SULF1: variants seen among roughly 807,000 people sequenced by gnomAD.
SULF1 encodes the protein sulfatase 1.
SULF1 carries 46 observed loss-of-function variants against 110.5 expected under a neutral mutation model. The observed-to-expected ratio is 0.42, with a 90% confidence interval of 0.33 to 0.53. The LOEUF (loss-of-function observed/expected upper bound fraction) is 0.53. SULF1 is among the 20% of genes least tolerant of loss of function. The pLI, the probability that SULF1 is intolerant of heterozygous loss-of-function variation, is 0.12. For missense variants in SULF1, 941 were observed against 1,094.2 expected (o/e 0.86, Z 1.98); for synonymous variants, 371 against 387.1 (o/e 0.96, Z 0.49).
chr8:69,509,912 G>T (rs1392900630), intron 3 of SULF1, among the ~76,000 whole-genome samples: 3 of 152,192 alleles, frequency 2.0e-5, no homozygotes. Flanking sequence ...AGGTTAAACA[G>T]CTTTCTGGTT....
chr8:69,470,985 A>G (rs1415622920), intron 1 of SULF1, among the ~76,000 whole-genome samples: 1 of 152,150 alleles, frequency 6.6e-6, no homozygotes, highest in Non-Finnish European at 1.5e-5. Flanking sequence ...GTCTACATTC[A>G]TAAGCCTGTG....
rs200590898 is a variant in SULF1, at chr8:69,633,328, C to CTT, written c.2284+3665_2284+3666dup. On this transcript the variant is annotated intron_variant, in intron 19 of 22. Transcript: ENST00000402687. ...GGCATGCTGAGTCAATCAGGACATT[C>CTT]TTTTTTTTTTTTTTTTTGAGATGGA... is the stretch of plus-strand genomic sequence containing the variant. Among the ~76,000 whole-genome samples, 823 of 134,100 alleles carry CTT rather than the reference C, an allele frequency of 6.1e-3. 7 individuals are homozygous for CTT. Among genetic ancestry groups the CTT allele is most frequent in the African/African-American group, 8.6e-3 (312 of 36,386 alleles). 88.0% of individuals were successfully genotyped at this position (134,100 alleles called of 152,430 possible).
rs1810034112 is a variant in SULF1, at chr8:69,492,955, A to AGGC, written c.-560_-558dup. On this transcript the variant is annotated 5_prime_UTR_variant, in exon 1 of 23. Coordinates refer to ENST00000402687, the MANE Select transcript of SULF1 (RefSeq NM_001128205.2). ...CAGGAGCGAGGGCAGCGAGGATCAG[A>AGGC]GGCCAGGCCTTCCCGGCTGCCGGCG... The AGGC allele has an allele frequency of 1.3e-5, 2 of 152,650 alleles. No individual in the cohort carries two copies. The highest frequency in any genetic ancestry group is 6.5e-5 in the Admixed American group (1 of 15,284). The allele number at this position is 152,650 out of a possible 1,614,324, so 9.5% of individuals were successfully genotyped here.
In SULF1 at chr8:69,602,170, C is replaced by G. The variant is rs559040040; in HGVS notation, c.1061+341C>G. ...GATACGCTGTCATTTAAAAAAAAAA[C>G]CTGACACCATCCTTTTAGTGTTTAA... is the stretch of plus-strand genomic sequence containing the variant. On this transcript the variant is annotated intron_variant, in intron 10 of 22. Transcript: ENST00000402687. Among the ~76,000 whole-genome samples the G allele has an allele frequency of 3.8e-3, 584 of 151,940 alleles. 2 individuals carry two copies. The highest frequency in any genetic ancestry group is 0.013 in the African/African-American group (554 of 41,458).
intron 3 of SULF1, among the ~76,000 whole-genome samples, chr8:69,512,355 T>C (rs1811622087): frequency 6.6e-6 from 1 of 152,210 alleles, no homozygotes; most frequent in Non-Finnish European, 1.5e-5. Flanking sequence ...ATCATCAGCA[T>C]GGCCTGAAAT....
chr8:69,526,568 C>T (rs956511004), intron 3 of SULF1, among the ~76,000 whole-genome samples: 2 of 146,168 alleles, frequency 1.4e-5, no homozygotes, highest in African/African-American at 5.1e-5. Context: ...TCGAGACCAG[C>T]CTAGGCAACA....
At chr8:69,568,525 C>A (rs1804970586) in intron 5 of SULF1, among the ~76,000 whole-genome samples, 1 of 152,120 alleles carries the variant, frequency 6.6e-6, no homozygotes, top group African/African-American at 2.4e-5. Context: ...ACATTTTGTT[C>A]ACATTATTGT....
At chr8:69,581,117 CTAG>C (rs1806032047) in intron 6 of SULF1, among the ~76,000 whole-genome samples, 1 of 152,142 alleles carries the variant, frequency 6.6e-6, no homozygotes. Flanking sequence ...CCTGTCTTCA[CTAG>C]ACTTACAATC....
Position 69,629,582 on chromosome 8 carries a change from G to A in SULF1, c.2187G>A (p.Glu729=). The A allele has an allele frequency of 1.2e-6, 2 of 1,614,122 alleles. No homozygotes were observed. The highest frequency in any genetic ancestry group is 1.7e-6 in the Non-Finnish European group (2 of 1,179,974). ...GTAGGAGGAAGAAGGAGAGGAAGGA[G>A]AAGAGACGGCAGAGGAAGGGGGAAG... ...NNRRRKKERK[E]KRRQRKGEEC... is the part of the protein sequence containing the mutation. The change falls in exon 19 of 23, where the codon GAG becomes GAA. Residue 729 remains glutamate, a synonymous_variant. Coordinates refer to ENST00000402687, the MANE Select transcript of SULF1 (RefSeq NM_001128205.2).
intron 1 of SULF1, among the ~76,000 whole-genome samples, chr8:69,494,345 C>T (rs952166196): frequency 1.3e-5 from 2 of 151,920 alleles, no homozygotes; most frequent in Non-Finnish European, 2.9e-5. Context: ...AGTACAACAT[C>T]CAAAATGGAT....
intron 6 of SULF1, among the ~76,000 whole-genome samples, chr8:69,580,735 G>T (rs1228570788): frequency 2.0e-5 from 3 of 152,042 alleles, no homozygotes; most frequent in African/African-American, 7.2e-5. Flanking sequence ...TGAGGTAGAA[G>T]GGACAATATT....
intron 6 of SULF1, among the ~76,000 whole-genome samples, chr8:69,585,424 T>A (rs1217060488): frequency 6.6e-6 from 1 of 152,174 alleles, no homozygotes; most frequent in East Asian, 1.9e-4. Flanking sequence ...TAATGTCTTT[T>A]TCACTTCAAG....
chr8:69,603,559 C>G (rs181702276), intron 11 of SULF1, 41 bp from the exon 12 acceptor site: 1 of 1,548,796 alleles, frequency 6.5e-7, no homozygotes. Context: ...TTTGGAAAAA[C>G]GTCCAGATGC....
intron 3 of SULF1, among the ~76,000 whole-genome samples, chr8:69,526,843 G>GGAAGGAAGGA (rs1563498501): frequency 2.2e-4 from 16 of 71,370 alleles, no homozygotes; most frequent in Admixed American, 4.1e-4. Context: ...GGAAGGAAGG[G>GGAAGGAAGGA]AGGAAGGAAG....
chr8:69,617,005 G>A (rs1026621805), intron 13 of SULF1, among the ~76,000 whole-genome samples: 4 of 152,118 alleles, frequency 2.6e-5, no homozygotes, highest in Admixed American at 6.6e-5. Context: ...GCTAGAGGCA[G>A]AGATCATCCA....
chr8:69,590,971 C>T (rs1057153730), intron 8 of SULF1, among the ~76,000 whole-genome samples: 2 of 152,172 alleles, frequency 1.3e-5, no homozygotes, highest in Non-Finnish European at 2.9e-5. Flanking sequence ...TCAGAAATCA[C>T]TTTACCTATC....
At chr8:69,641,491 A>T (rs554625655) in intron 22 of SULF1, among the ~76,000 whole-genome samples, 1 of 152,238 alleles carries the variant, frequency 6.6e-6, no homozygotes, top group African/African-American at 2.4e-5. Flanking sequence ...CACACCTGTA[A>T]TCCTAGCACT....
At chr8:69,582,440 C>T (rs1169147207) in intron 6 of SULF1, among the ~76,000 whole-genome samples, 1 of 152,084 alleles carries the variant, frequency 6.6e-6, no homozygotes, top group Non-Finnish European at 1.5e-5. Context: ...ACTTAACAAG[C>T]CGTTGTTTTG....
chr8:69,582,686 T>TG (rs1334128265), intron 6 of SULF1, among the ~76,000 whole-genome samples: 1 of 98,952 alleles, frequency 1.0e-5, no homozygotes, highest in African/African-American at 3.8e-5. Context: ...TTTGCCTTCT[T>TG]GGAAAAAAAA....
Sources: gnomAD v4.1 joint callset for allele counts (sites outside exome capture counted in the v4.1 genomes callset) on GRCh38, gnomAD v4.1.1 for gene constraint, MANE v1.5 for transcripts, NCBI Gene and HGNC (gene_info 2026-07-23, HGNC 2026-07-21) for gene names.